FAM89A: variants seen among roughly 807,000 people sequenced by gnomAD.
FAM89A encodes family with sequence similarity 89 member A.
Under a neutral mutation model 7.1 loss-of-function variants are expected in FAM89A, and 10 were observed. The ratio of observed to expected loss-of-function variants is 1.40; its 90% CI spans 0.86 to 2.38. The LOEUF is 2.38. Ranked by LOEUF, FAM89A falls within the 30% of genes most tolerant of loss-of-function variation. FAM89A has a pLI of 0.00. For missense variants in FAM89A, 276 were observed against 262.8 expected, an observed-to-expected ratio of 1.05 and a Z score of -0.35; for synonymous variants, 157 against 129.3, an observed-to-expected ratio of 1.21 and a Z score of -1.45.
At chr1:231,024,550 A>ACACACACACACACACACT (rs6143666) in intron 1 of FAM89A, among the ~76,000 whole-genome samples, 1 of 150,892 alleles carries the variant, frequency 6.6e-6, no homozygotes. Flanking sequence ...ACACACACAC[A>ACACACACACACACACACT]TTTAGAGATG....
At chr1:231,039,869 C>T (rs61826695) in intron 1 of FAM89A, 52 bp downstream of exon 1, 50,763 of 1,273,692 alleles carry the variant, frequency 0.04, 1,157 homozygotes, top group Non-Finnish European at 0.045. Flanking sequence ...CGAACTTTCC[C>T]GGGACGGCGA....
At chr1:231,030,242 A>T (rs1680045994) in intron 1 of FAM89A, among the ~76,000 whole-genome samples, 1 of 152,168 alleles carries the variant, frequency 6.6e-6, no homozygotes, top group African/African-American at 2.4e-5. Context: ...CTAGACTCTA[A>T]AGCGCCATCA....
Position 231,035,299 on chromosome 1 carries a change from C to A in FAM89A, c.291+4622G>T, listed in dbSNP as rs563743368. On this transcript the variant is annotated intron_variant, in intron 1 of 1. Transcript: ENST00000366654. Reference sequence around the variant, plus strand: ...AGGTTCAATTCTTTACACAACATTGCAATTTGGGAATTCAAAAGTTCTGTG... The same window carrying A: ...AGGTTCAATTCTTTACACAACATTGAAATTTGGGAATTCAAAAGTTCTGTG... Among the ~76,000 whole-genome samples the A allele has an allele frequency of 1.2e-3, 186 of 152,292 alleles. 1 individual carries two copies. The highest frequency in any genetic ancestry group is 4.3e-3 in the African/African-American group (179 of 41,560).
At chr1:231,036,477 T>C in intron 1 of FAM89A, among the ~76,000 whole-genome samples, 1 of 152,150 alleles carries the variant, frequency 6.6e-6, no homozygotes, top group East Asian at 1.9e-4. Context: ...GCAATAACTA[T>C]CTGTGTGACC....
chr1:231,038,402 A>G (rs1017077707), intron 1 of FAM89A, among the ~76,000 whole-genome samples: 2 of 152,234 alleles, frequency 1.3e-5, no homozygotes, highest in Non-Finnish European at 2.9e-5. Flanking sequence ...GCTTCACAAC[A>G]GGAGCGGCCC....
intron 1 of FAM89A, chr1:231,026,071 T>TAA (rs35151430): frequency 0.16 from 22,515 of 138,432 alleles, 2,260 homozygotes; most frequent in Admixed American, 0.28. Flanking sequence ...GCTCAGCTCC[T>TAA]AAAAAAAAAA....
rs764171929 is a variant in FAM89A at position 231,040,070 on chromosome 1, G to T, written c.142C>A (p.Arg48=). ...TGCGCGTACAGCCGCTCCAGGTGCC[G>T]CCAGCCCCCAGACGCGCCGCCGCCC... The part of the protein sequence containing the change: ...ASGGGASGGW[R]HLERLYAQKS... Residue 48 remains arginine (R), a synonymous_variant, in exon 1 of 2, where the codon CGG becomes AGG. Coordinates refer to ENST00000366654, the MANE Select transcript of FAM89A (RefSeq NM_198552.3). 3 of 1,446,324 alleles carry T rather than the reference G, an allele frequency of 2.1e-6. No homozygotes were observed. The highest frequency in any genetic ancestry group is 2.3e-5 in the Admixed American group (1 of 42,764). The allele number at this position is 1,446,324 out of a possible 1,614,324, so 89.6% of individuals were successfully genotyped here. A position where few individuals can be genotyped will look rare whatever the true frequency, so the allele number is the denominator to read the frequency against.
At position 231,019,647 on chromosome 1, in the gene FAM89A, C is replaced by T. The variant is rs1356264306; in HGVS notation, c.*216G>A. On this transcript the variant is annotated 3_prime_UTR_variant, in exon 2 of 2. Coordinates refer to ENST00000366654, the MANE Select transcript of FAM89A (RefSeq NM_198552.3). ...AGGTGTGGAGGATACTGCTGAGGACCTCTAGGTCACCTAAGCAGAAACTGC... is the reference window on the plus strand; with the variant it reads ...AGGTGTGGAGGATACTGCTGAGGACTTCTAGGTCACCTAAGCAGAAACTGC... 3.5e-6 allele frequency: 2 copies of T among 572,832 alleles called. No homozygotes were observed. The highest frequency in any genetic ancestry group is 3.7e-5 in the African/African-American group (2 of 53,378). The allele number at this position is 572,832 out of a possible 1,614,324, so 35.5% of individuals were successfully genotyped here.
chr1:231,039,836 T>C (rs906927610), intron 1 of FAM89A, 85 bp downstream of exon 1: 7 of 1,238,674 alleles, frequency 5.7e-6, no homozygotes, highest in Admixed American at 4.3e-5. Flanking sequence ...GCGCGGGGAC[T>C]TCCGGACAGA....
At chr1:231,032,881 G>C (rs182670342) in intron 1 of FAM89A, among the ~76,000 whole-genome samples, 1 of 152,144 alleles carries the variant, frequency 6.6e-6, no homozygotes, top group Non-Finnish European at 1.5e-5. Context: ...CCCTCCACTG[G>C]TCAAAGATGG....
intron 1 of FAM89A, among the ~76,000 whole-genome samples, chr1:231,027,701 A>G (rs1386867309): frequency 6.6e-6 from 1 of 152,208 alleles, no homozygotes; most frequent in Non-Finnish European, 1.5e-5. Context: ...GCACTCCACC[A>G]TCTGGTCTGA....
At chr1:231,024,220 C>T (rs767584640) in intron 1 of FAM89A, among the ~76,000 whole-genome samples, 7 of 149,716 alleles carry the variant, frequency 4.7e-5, no homozygotes, top group African/African-American at 7.4e-5. Context: ...AAAAAAGATG[C>T]ATGGGTACGC....
intron 1 of FAM89A, among the ~76,000 whole-genome samples, chr1:231,034,670 G>A (rs1680129558): frequency 6.6e-6 from 1 of 151,736 alleles, no homozygotes; most frequent in African/African-American, 2.4e-5. Context: ...TACTCAGGAG[G>A]CTGAGGCAGG....
At chr1:231,033,245 C>T (rs1049063113) in intron 1 of FAM89A, among the ~76,000 whole-genome samples, 2 of 152,196 alleles carry the variant, frequency 1.3e-5, no homozygotes, top group African/African-American at 2.4e-5. Context: ...ATGACACTGG[C>T]AACGGGGGCA....
chr1:231,040,220 G>A lies in FAM89A; in HGVS notation c.-9C>T. ...GCCCGGGCCCCACTCATCGCGCCGC[G>A]GCCCGGCCACGCGCCTGCCCCGCTG... On this transcript the variant is annotated 5_prime_UTR_variant, in exon 1 of 2. Transcript: ENST00000366654. 9.5e-7 allele frequency: 1 copy of A among 1,050,652 alleles called. No individual in the cohort carries two copies. The highest frequency in any genetic ancestry group is 1.1e-6 in the Non-Finnish European group (1 of 875,004). 65.1% of individuals were successfully genotyped at this position (1,050,652 alleles called of 1,614,324 possible).
intron 1 of FAM89A, among the ~76,000 whole-genome samples, chr1:231,035,971 C>T (rs924222659): frequency 6.6e-6 from 1 of 152,172 alleles, no homozygotes; most frequent in Non-Finnish European, 1.5e-5. Context: ...GGCCAATTGG[C>T]ATCCTTCCAC....
chr1:231,033,725 G>A (rs938963722), intron 1 of FAM89A, among the ~76,000 whole-genome samples: 1 of 152,178 alleles, frequency 6.6e-6, no homozygotes, highest in Non-Finnish European at 1.5e-5. Context: ...ATATTTATGA[G>A]TTAGGAAAAA....
At chr1:231,024,549 C>CACACACACACACACA (rs879412001) in intron 1 of FAM89A, among the ~76,000 whole-genome samples, 1 of 149,962 alleles carries the variant, frequency 6.7e-6, no homozygotes, top group African/African-American at 2.5e-5. Flanking sequence ...CACACACACA[C>CACACACACACACACA]ATTTAGAGAT....
chr1:231,020,508 C>T lies in FAM89A; in HGVS notation c.292-382G>A, dbSNP rs760042355. On this transcript the variant is annotated intron_variant, in intron 1 of 1. Transcript: ENST00000366654. The stretch of plus-strand genomic sequence containing the variant: ...CTCTCCCAATCAGACTCGGAGAAGA[C>T]CCACATTGGCCTTCCCTGCTACTGC... 3.3e-5 allele frequency among the ~76,000 whole-genome samples: 5 copies of T among 152,192 alleles called. No homozygotes were observed. In the East Asian group the frequency reaches 9.6e-4, roughly 29 times the overall value.
Sources: allele counts gnomAD v4.1 joint callset (sites outside exome capture counted in the v4.1 genomes callset), GRCh38; gene constraint gnomAD v4.1.1; transcripts MANE v1.5; gene names NCBI Gene and HGNC (gene_info 2026-07-23, HGNC 2026-07-21).